SHISA6: variants seen among roughly 807,000 people sequenced by gnomAD.
SHISA6 encodes shisa family member 6, also known as protein shisa-6.
SHISA6 carries 22 observed loss-of-function variants against 47.9 expected under a neutral mutation model. The ratio of observed to expected loss-of-function variants is 0.46; its 90% confidence interval spans 0.33 to 0.66. The LOEUF (loss-of-function observed/expected upper bound fraction) is 0.66, where lower values mean the gene tolerates loss of function less well. SHISA6 is among the 30% of genes least tolerant of loss of function. The pLI, the probability that SHISA6 is intolerant of heterozygous loss-of-function variation, is 0.02. For missense variants in SHISA6, 680 were observed against 764.6 expected (o/e 0.89, Z 1.30); for synonymous variants, 388 against 337.8 (o/e 1.15, Z -1.63).
intron 3 of SHISA6, among the ~76,000 whole-genome samples, chr17:11,411,032 G>A (rs868510510): frequency 1.7e-4 from 26 of 152,150 alleles, no homozygotes; most frequent in Non-Finnish European, 3.1e-4. Flanking sequence ...GCAGTGGCGC[G>A]ATCTTGGCTC....
At chr17:11,306,577 G>A (rs1168695150) in intron 2 of SHISA6, among the ~76,000 whole-genome samples, 3 of 152,158 alleles carry the variant, frequency 2.0e-5, no homozygotes, top group Non-Finnish European at 4.4e-5. Context: ...CACCTGAGTG[G>A]GCATTGGTGA....
At chr17:11,506,323 C>T (rs1031766349) in intron 3 of SHISA6, among the ~76,000 whole-genome samples, 1 of 152,132 alleles carries the variant, frequency 6.6e-6, no homozygotes, top group Non-Finnish European at 1.5e-5. Context: ...TCCTTAATTA[C>T]TGTCTGCAAT....
At chr17:11,377,185 T>C (rs1372537793) in intron 2 of SHISA6, among the ~76,000 whole-genome samples, 1 of 152,224 alleles carries the variant, frequency 6.6e-6, no homozygotes, top group African/African-American at 2.4e-5. Context: ...TCAAATGCTC[T>C]TGGTGCTGCC....
intron 2 of SHISA6, among the ~76,000 whole-genome samples, chr17:11,370,358 T>A (rs1042373161): frequency 1.3e-5 from 2 of 152,186 alleles, no homozygotes; most frequent in African/African-American, 4.8e-5. Context: ...CAGTTTGCCC[T>A]TGACCCTCCC....
chr17:11,307,080 T>A (rs1910137850), intron 2 of SHISA6, among the ~76,000 whole-genome samples: 1 of 152,174 alleles, frequency 6.6e-6, no homozygotes, highest in South Asian at 2.1e-4. Flanking sequence ...TCTATATCTC[T>A]TTGCAAAATA....
intron 1 of SHISA6, among the ~76,000 whole-genome samples, chr17:11,260,803 C>T (rs1195499450): frequency 6.6e-6 from 1 of 152,016 alleles, no homozygotes; most frequent in African/African-American, 2.4e-5. Context: ...TTTCTCTCCT[C>T]TCTTTCTCTC....
At chr17:11,344,578 A>C (rs557021806) in intron 2 of SHISA6, among the ~76,000 whole-genome samples, 2 of 152,270 alleles carry the variant, frequency 1.3e-5, no homozygotes, top group South Asian at 4.1e-4. Context: ...ATGGCCGTAA[A>C]TGTAAGGGTT....
At chr17:11,337,567 T>C (rs546144043) in intron 2 of SHISA6, among the ~76,000 whole-genome samples, 5 of 152,332 alleles carry the variant, frequency 3.3e-5, no homozygotes, top group African/African-American at 1.2e-4. Context: ...TCTTGGAAAG[T>C]GGGGCTTCTT....
chr17:11,502,180 C>T (rs1230717188), intron 3 of SHISA6, among the ~76,000 whole-genome samples: 7 of 151,758 alleles, frequency 4.6e-5, no homozygotes, highest in Admixed American at 3.3e-4. Context: ...GAGGCCGAGG[C>T]GGGCGGATCA....
In SHISA6 at chr17:11,242,098, C is replaced by T. The variant is rs569600428; in HGVS notation, c.638+38C>T. 1.2e-4 allele frequency: 181 copies of T among 1,547,166 alleles called. No individual in the cohort carries two copies. In the African/African-American group the frequency reaches 1.9e-3, roughly 16 times the overall value. On this transcript the variant is annotated intron_variant, in intron 1 of 5. Coordinates refer to ENST00000441885, the MANE Select transcript of SHISA6 (RefSeq NM_207386.4). ...CGTGCCGCGCGCCCCGGTCTCCCCG[C>T]GGCCTCACCCTCTCAGCTTGCTTCC...
At chr17:11,264,680 G>GAT (rs764915896) in intron 2 of SHISA6, among the ~76,000 whole-genome samples, 10 of 152,282 alleles carry the variant, frequency 6.6e-5, no homozygotes, top group East Asian at 5.8e-4. Context: ...CTGCAATAAG[G>GAT]ATATATAGCC....
chr17:11,298,809 A>G (rs1319021855), intron 2 of SHISA6, among the ~76,000 whole-genome samples: 1 of 152,224 alleles, frequency 6.6e-6, no homozygotes, highest in South Asian at 2.1e-4. Context: ...CACTGTCAGC[A>G]GCTAGCTCAA....
At chr17:11,467,753 T>A (rs958094494) in intron 3 of SHISA6, among the ~76,000 whole-genome samples, 2 of 152,204 alleles carry the variant, frequency 1.3e-5, no homozygotes, top group African/African-American at 4.8e-5. Context: ...ATATCCCTGT[T>A]CTGAGAGTTT....
chr17:11,282,737 C>A (rs1909165534), intron 2 of SHISA6, among the ~76,000 whole-genome samples: 1 of 152,190 alleles, frequency 6.6e-6, no homozygotes, highest in Admixed American at 6.5e-5. Flanking sequence ...TATCACACTG[C>A]ATATTCACCA....
At chr17:11,320,699 A>C (rs1910689275) in intron 2 of SHISA6, among the ~76,000 whole-genome samples, 1 of 151,888 alleles carries the variant, frequency 6.6e-6, no homozygotes, top group African/African-American at 2.4e-5. Context: ...GAAGAAACCA[A>C]GGAGGAGGAG....
chr17:11,432,631 C>CT (rs1011649893), intron 3 of SHISA6, among the ~76,000 whole-genome samples: 1 of 152,166 alleles, frequency 6.6e-6, no homozygotes, highest in Admixed American at 6.5e-5. Flanking sequence ...GGAGAAACCA[C>CT]TTTATCTGTG....
intron 3 of SHISA6, among the ~76,000 whole-genome samples, chr17:11,456,650 C>G (rs1203233260): frequency 1.3e-5 from 2 of 152,194 alleles, no homozygotes; most frequent in East Asian, 1.9e-4. Context: ...GACCTTGAGG[C>G]CACGCTGTCG....
intron 2 of SHISA6, among the ~76,000 whole-genome samples, chr17:11,315,272 T>C (rs1173885131): frequency 6.6e-6 from 1 of 152,186 alleles, no homozygotes; most frequent in Non-Finnish European, 1.5e-5. Context: ...GGGAAAGTTA[T>C]TGATTTTTCT....
chr17:11,529,734 G>A (rs1031796645), intron 3 of SHISA6, among the ~76,000 whole-genome samples: 1 of 152,126 alleles, frequency 6.6e-6, no homozygotes, highest in Non-Finnish European at 1.5e-5. Context: ...TAAATGATAA[G>A]ACAAATGATT....
Sources: gnomAD v4.1 joint callset for allele counts (sites outside exome capture counted in the v4.1 genomes callset) on GRCh38, gnomAD v4.1.1 for gene constraint, MANE v1.5 for transcripts, NCBI Gene and HGNC (gene_info 2026-07-23, HGNC 2026-07-21) for gene names.